Variants in RERE observed in about 807,000 individuals in gnomAD.
The protein encoded by RERE is arginine-glutamic acid dipeptide repeats protein.
In RERE, 40 loss-of-function variants were observed where a neutral mutation model predicts 146.1. That is an observed-to-expected ratio of 0.27 (90% confidence interval 0.21 to 0.36). The LOEUF (loss-of-function observed/expected upper bound fraction) is 0.36. Among genes scored for constraint, RERE ranks in the 10% least tolerant of loss-of-function variants. The pLI is 1.00. For missense variants in RERE, 1,933 were observed against 2,138.7 expected (o/e 0.90, Z 1.90); for synonymous variants, 1,003 against 866.0 (o/e 1.16, Z -2.78).
chr1:8,747,763 A>G (rs1348848856), intron 1 of RERE, among the ~76,000 whole-genome samples: 4 of 152,016 alleles, frequency 2.6e-5, no homozygotes, highest in Non-Finnish European at 5.9e-5. Flanking sequence ...AGTTGTTACT[A>G]AAGATAATAA....
At chr1:8,635,947 T>TTTATCTTATCTTATC (rs779134387) in intron 2 of RERE, among the ~76,000 whole-genome samples, 63 of 108,430 alleles carry the variant, frequency 5.8e-4, no homozygotes, top group Admixed American at 1.6e-3. Context: ...ATTATTTTAT[T>TTTATCTTATCTTATC]TTATCTTATC....
intron 6 of RERE, among the ~76,000 whole-genome samples, chr1:8,553,138 C>T (rs1007407589): frequency 3.3e-5 from 5 of 151,152 alleles, no homozygotes; most frequent in Admixed American, 2.6e-4. Flanking sequence ...CGTGACACCA[C>T]ACAAGTAGGC....
rs139906993 is a variant in RERE, at chr1:8,670,945, T to C, written c.-144-14504A>G. The stretch of plus-strand genomic sequence containing the variant: ...TTAAGCAGTGGTCAGATTCTAGCCC[T>C]CAGAAGTGGCTAACAGAGCGCACGT... On this transcript the variant is annotated intron_variant, in intron 1 of 22. Transcript: ENST00000400908. Among the ~76,000 whole-genome samples the C allele has an allele frequency of 2.8e-4, 42 of 152,156 alleles. No homozygotes were observed. In the East Asian group the frequency reaches 7.9e-3, roughly 29 times the overall value.
Position 8,355,588 on chromosome 1 carries a change from G to A in RERE, c.4498C>T (p.Pro1500Ser). The change falls in exon 22 of 23, where the codon CCC becomes TCC. Residue 1500 changes from proline (P) to serine (S), a missense_variant. Transcript: ENST00000400908. ...GGGATGGCCCCAGGCAGGTCACGGG[G>A]GTAGGGGGTGCCTGCCGAACACAAA... ...LRHPVFGTPY[P>S]RDLPGAIPPP... 1 of 1,579,182 alleles carries A rather than the reference G, an allele frequency of 6.3e-7. No homozygotes were observed. The highest frequency in any genetic ancestry group is 8.6e-7 in the Non-Finnish European group (1 of 1,159,876).
At chr1:8,468,912 G>A (rs1246836496) in intron 10 of RERE, among the ~76,000 whole-genome samples, 5 of 149,684 alleles carry the variant, frequency 3.3e-5, no homozygotes, top group Non-Finnish European at 5.9e-5. Context: ...AAAAAAAAAA[G>A]AAAGAAAGAA....
intron 15 of RERE, 130 bp from the exon 16 acceptor site, chr1:8,362,974 AAAC>A: frequency 9.8e-7 from 1 of 1,022,438 alleles, no homozygotes; most frequent in Admixed American, 2.7e-5. Context: ...AGACCTTGGC[AAAC>A]AACAGGCCGC....
intron 12 of RERE, among the ~76,000 whole-genome samples, chr1:8,368,568 G>A (rs1641911905): frequency 6.6e-6 from 1 of 151,776 alleles, no homozygotes; most frequent in East Asian, 1.9e-4. Context: ...GAGAAAAATC[G>A]AGTGAGAAGG....
chr1:8,610,362 G>A (rs535870543), intron 4 of RERE, among the ~76,000 whole-genome samples: 12 of 151,932 alleles, frequency 7.9e-5, no homozygotes, highest in South Asian at 2.1e-4. Context: ...AGGCCGAGGC[G>A]GGCAGATCAC....
At chr1:8,371,103 T>C (rs968324982) in intron 12 of RERE, among the ~76,000 whole-genome samples, 2 of 152,144 alleles carry the variant, frequency 1.3e-5, no homozygotes, top group African/African-American at 2.4e-5. Context: ...TGGGCAGAAA[T>C]GGGAAAGGAA....
Position 8,685,159 on chromosome 1 carries a change from A to T in RERE, c.-144-28718T>A, listed in dbSNP as rs1406073993. On this transcript the variant is annotated intron_variant, in intron 1 of 22. Transcript: ENST00000400908. The stretch of plus-strand genomic sequence containing the variant: ...AGGAGTGACATACCACACCCAGCCC[A>T]AATTTGGATTTTAAAGAACTAATTT... Among the ~76,000 whole-genome samples the T allele has an allele frequency of 2.0e-5, 3 of 152,300 alleles. No homozygotes were observed. The East Asian group carries it at 5.8e-4, about 29-fold the overall frequency.
chr1:8,519,738 A>AT (rs1173433978), intron 7 of RERE: 3 of 152,112 alleles, frequency 2.0e-5, no homozygotes, highest in Non-Finnish European at 4.4e-5. Context: ...CACAGTCAGG[A>AT]TTTTATATTT....
At chr1:8,794,454 A>G (rs2124580606) in intron 1 of RERE, among the ~76,000 whole-genome samples, 1 of 151,296 alleles carries the variant, frequency 6.6e-6, no homozygotes, top group South Asian at 2.1e-4. Flanking sequence ...AGGGTCCTGG[A>G]CCTGTGATTG....
Position 8,360,556 on chromosome 1 carries a change from T to A in RERE, c.2951A>T (p.His984Leu). ...SLSTHHPPSA[H>L]PPPLQLMPQS... ...AGGCATGAGTTGCAGGGGTGGGGGG[T>A]GAGCCGACGGGGGGTGATGTGTGGA... The change falls in exon 18 of 23, where the codon CAC (histidine) becomes CTC (leucine). Residue 984 changes from histidine (H) to leucine (L), a missense_variant. This residue lies in a region of RERE where 1,255 missense variants were observed against 1,153.8 expected (regional missense o/e 1.09). Transcript: ENST00000400908. 1.9e-6 allele frequency: 1 copy of A among 529,800 alleles called. No individual in the cohort carries two copies. Among genetic ancestry groups the A allele is most frequent in the South Asian group, 2.7e-5 (1 of 36,986 alleles). 32.8% of individuals were successfully genotyped at this position (529,800 alleles called of 1,614,324 possible). A position where few individuals can be genotyped will look rare whatever the true frequency, so the allele number is the denominator to read the frequency against.
At chr1:8,361,603 G>A (rs543666692) in intron 17 of RERE, 113 bp from the exon 18 acceptor site, 45 of 1,456,356 alleles carry the variant, frequency 3.1e-5, no homozygotes, top group Admixed American at 3.5e-5. Flanking sequence ...AGCAAGCTTG[G>A]CTCCGGGACC....
At chr1:8,489,807 T>G (rs764585055) in intron 10 of RERE, among the ~76,000 whole-genome samples, 13 of 152,086 alleles carry the variant, frequency 8.5e-5, no homozygotes, top group African/African-American at 1.2e-4. Flanking sequence ...TCTCAGCACT[T>G]CGGGAGGCCC....
chr1:8,787,444 A>G (rs1405671797), intron 1 of RERE, among the ~76,000 whole-genome samples: 1 of 152,190 alleles, frequency 6.6e-6, no homozygotes, highest in Non-Finnish European at 1.5e-5. Flanking sequence ...TTCCCTATAA[A>G]ATGAAATCTG....
chr1:8,426,178 G>C (rs1206329800), intron 11 of RERE, among the ~76,000 whole-genome samples: 3 of 152,140 alleles, frequency 2.0e-5, no homozygotes, highest in African/African-American at 7.2e-5. Flanking sequence ...CTTTCAGCCG[G>C]GCGCGGTGGC....
rs1452238944 is a variant in RERE at position 8,502,320 on chromosome 1, C to A, written c.880-4791G>T. 1.1e-4 allele frequency among the ~76,000 whole-genome samples: 13 copies of A among 117,124 alleles called. No homozygotes were observed. In the South Asian group the frequency reaches 3.8e-3, roughly 34 times the overall value. 76.8% of individuals were successfully genotyped at this position (117,124 alleles called of 152,430 possible). ...GAGCCCCTCTGCCTGGCGAGCCGCCCCGTCCGGGAGGGTGGTGGGGGGGTC... is the reference window on the plus strand; with the variant it reads ...GAGCCCCTCTGCCTGGCGAGCCGCCACGTCCGGGAGGGTGGTGGGGGGGTC... On this transcript the variant is annotated intron_variant, in intron 8 of 22. Transcript: ENST00000400908.
chr1:8,723,966 G>C (rs979712723), intron 1 of RERE, among the ~76,000 whole-genome samples: 4 of 152,258 alleles, frequency 2.6e-5, no homozygotes, highest in East Asian at 3.9e-4. Flanking sequence ...TATATCAAAT[G>C]AATCTATATA....
Sources: allele counts gnomAD v4.1 joint callset (sites outside exome capture counted in the v4.1 genomes callset), GRCh38; gene constraint gnomAD v4.1.1; regional missense constraint gnomAD v4.1.1; transcripts MANE v1.5; gene names NCBI Gene and HGNC (gene_info 2026-07-23, HGNC 2026-07-21).